Variants in TRIOBP observed in about 807,000 individuals in gnomAD.
TRIOBP encodes TRIO and F-actin-binding protein.
TRIOBP carries 169 observed loss-of-function variants against 238.8 expected under a neutral mutation model. The ratio of observed to expected loss-of-function variants is 0.71; its 90% CI spans 0.62 to 0.80. The LOEUF is 0.80. Ranked by LOEUF, TRIOBP falls within the 30% of genes least tolerant of loss-of-function variation. The probability of loss-of-function intolerance (pLI) is 0.00; values close to 1 mark genes in which losing one functional copy is unlikely to be tolerated. For missense variants in TRIOBP, 2,838 were observed against 3,122.6 expected, an observed-to-expected ratio of 0.91 and a Z score of 2.17; for synonymous variants, 1,150 against 1,274.4, an observed-to-expected ratio of 0.90 and a Z score of 2.08.
chr22:37,698,354 CTTTTTTTTTTTT>C (rs1175913171), intron 2 of TRIOBP, among the ~76,000 whole-genome samples: 1 of 57,936 alleles, frequency 1.7e-5, no homozygotes, highest in Admixed American at 2.7e-4. Context: ...CTGCAAGAGC[CTTTTTTTTTTTT>C]TTTTTTTTTT....
At chr22:37,735,972 C>T (rs983869377) in intron 9 of TRIOBP, among the ~76,000 whole-genome samples, 4 of 152,232 alleles carry the variant, frequency 2.6e-5, no homozygotes, top group Non-Finnish European at 4.4e-5. Context: ...TACCTGAGTC[C>T]AGGACAGCCT....
At chr22:37,738,762 G>A (rs757751577) in intron 10 of TRIOBP, 43 bp downstream of exon 10, 6 of 1,599,952 alleles carry the variant, frequency 3.8e-6, no homozygotes, top group Admixed American at 3.4e-5. Flanking sequence ...GGGGAAGGGA[G>A]GGGGAAGCAG....
At chr22:37,729,349 G>A (rs1924319762) in intron 7 of TRIOBP, among the ~76,000 whole-genome samples, 2 of 151,962 alleles carry the variant, frequency 1.3e-5, no homozygotes, top group African/African-American at 4.8e-5. Context: ...CTCAGTAGCT[G>A]GGACTACAGG....
chr22:37,701,458 G>A lies in TRIOBP; in HGVS notation c.93G>A (p.Glu31=), dbSNP rs981859593. 1.9e-6 allele frequency: 3 copies of A among 1,612,858 alleles called. No individual in the cohort carries two copies. The highest frequency in any genetic ancestry group is 2.5e-6 in the Non-Finnish European group (3 of 1,179,608). The change falls in exon 3 of 24, where the codon GAG becomes GAA. Residue 31 remains glutamate, a synonymous_variant. Transcript: ENST00000644935. The part of the protein sequence containing the change: ...NRCQNCFHPE[E]AHGARYQELR... ...GTCAAAACTGCTTCCACCCTGAGGA[G>A]GCCCATGGAGCAAGATACCAGGTGG...
Position 37,723,255 on chromosome 22 carries a change from G to A in TRIOBP, c.699G>A (p.Leu233=). Residue 233 remains leucine, a synonymous_variant, in exon 7 of 24, where the codon CTG becomes CTA. Coordinates refer to ENST00000644935, the MANE Select transcript of TRIOBP (RefSeq NM_001039141.3). The part of the protein sequence containing the change: ...ARLRGESGLS[L]ERHRSTLTQA... ...TCCGGGGAGAAAGCGGGTTGTCCCT[G>A]GAGCGGCACCGGTCAACACTGACCC... is the stretch of plus-strand genomic sequence containing the variant. The A allele has an allele frequency of 6.2e-7, 1 of 1,614,038 alleles. No individual in the cohort carries two copies.
chr22:37,759,802 C>G, intron 17 of TRIOBP: 6 of 1,334,768 alleles, frequency 4.5e-6, no homozygotes, highest in Non-Finnish European at 5.8e-6. Context: ...TTGGCTGTGT[C>G]TGGGAATACT....
At chr22:37,699,543 A>G (rs977305685) in intron 2 of TRIOBP, among the ~76,000 whole-genome samples, 6 of 151,624 alleles carry the variant, frequency 4.0e-5, no homozygotes, top group African/African-American at 1.5e-4. Flanking sequence ...CACCTGGGGA[A>G]TCACTTTTTT....
chr22:37,715,649 G>A, intron 5 of TRIOBP, 114 bp from the exon 6 acceptor site: 1 of 1,291,578 alleles, frequency 7.7e-7, no homozygotes. Context: ...GGCCAGGGAA[G>A]TGCTTTTTAA....
intron 17 of TRIOBP, among the ~76,000 whole-genome samples, chr22:37,763,624 GAA>G (rs1265496102): frequency 6.6e-6 from 1 of 152,074 alleles, no homozygotes; most frequent in African/African-American, 2.4e-5. Context: ...TTATATAAAA[GAA>G]ATGTTTACAT....
At chr22:37,732,749 A>G (rs1924488520) in intron 7 of TRIOBP, among the ~76,000 whole-genome samples, 1 of 152,228 alleles carries the variant, frequency 6.6e-6, no homozygotes. Context: ...AGAATGGAAC[A>G]CGGGGGCACA....
intron 18 of TRIOBP, 115 bp from the exon 19 acceptor site, chr22:37,767,959 A>G: frequency 2.5e-6 from 2 of 806,158 alleles, no homozygotes; most frequent in Non-Finnish European, 4.3e-6. Context: ...CTTGCATAGT[A>G]CTATGTGGAG....
chr22:37,734,375 C>T (rs1191367693), intron 8 of TRIOBP, 24 bp from the exon 9 acceptor site: 3 of 1,607,848 alleles, frequency 1.9e-6, no homozygotes, highest in Non-Finnish European at 2.6e-6. Context: ...GAGAGCCTCA[C>T]CTACCCCCTC....
At chr22:37,758,886 G>GTTTCCT (rs964367439) in intron 16 of TRIOBP, among the ~76,000 whole-genome samples, 1 of 152,150 alleles carries the variant, frequency 6.6e-6, no homozygotes, top group African/African-American at 2.4e-5. Flanking sequence ...TGTGACCACA[G>GTTTCCT]TTTCCTTTTC....
chr22:37,765,913 G>T, intron 18 of TRIOBP, 96 bp downstream of exon 18: 1 of 1,448,652 alleles, frequency 6.9e-7, no homozygotes. Context: ...CAAATAAGAT[G>T]TAGGGGTCTC....
chr22:37,718,507 C>T (rs1035796294), intron 6 of TRIOBP, among the ~76,000 whole-genome samples: 4 of 149,366 alleles, frequency 2.7e-5, no homozygotes, highest in Admixed American at 6.8e-5. Flanking sequence ...TCAGCATCCC[C>T]AGAGTGGGGC....
At chr22:37,761,261 G>C (rs1015905900) in intron 17 of TRIOBP, among the ~76,000 whole-genome samples, 3 of 151,884 alleles carry the variant, frequency 2.0e-5, no homozygotes, top group African/African-American at 7.3e-5. Flanking sequence ...AGTGTGGCCA[G>C]AGTGGTGAAA....
Position 37,735,002 on chromosome 22 carries a change from G to A in TRIOBP, c.4666G>A (p.Glu1556Lys), listed in dbSNP as rs376793698. ...PYPRGSERRPELDWRDLLGLL... is the reference protein window; with the variant it reads ...PYPRGSERRPKLDWRDLLGLL... ...CCCGCGTGGCTCTGAGAGGCGACCC[G>A]AGCTTGACTGGAGGGATCTGCTTGG... The change falls in exon 9 of 24, where the codon GAG becomes AAG. Residue 1556 changes from glutamate (E) to lysine (K), a missense_variant. Around this residue, in one of 5 missense-constraint regions of TRIOBP, gnomAD observed 2,096 missense variants for 2,137.4 expected, o/e 0.98. Transcript: ENST00000644935. 9.3e-5 allele frequency: 150 copies of A among 1,613,176 alleles called. No homozygotes were observed. In the African/African-American group the frequency reaches 9.9e-4, roughly 11 times the overall value.
rs374226257 is a variant in TRIOBP, at chr22:37,724,641, C to T, written c.2085C>T (p.Asn695=). The T allele has an allele frequency of 6.2e-7, 1 of 1,611,298 alleles. No homozygotes were observed. The highest frequency in any genetic ancestry group is 1.1e-5 in the South Asian group (1 of 90,950). Residue 695 remains asparagine (N), a synonymous_variant, in exon 7 of 24, where the codon AAC becomes AAT. Coordinates refer to ENST00000644935, the MANE Select transcript of TRIOBP (RefSeq NM_001039141.3). The stretch of plus-strand genomic sequence containing the variant: ...CCAGCAGAACCATCCAACAAGAGAA[C>T]CCCAGAACATCCTGTGCCCAACGGG... ...SSPSRTIQQE[N]PRTSCAQRDD...
Position 37,746,307 on chromosome 22 carries a change from G to A in TRIOBP, c.5322+5275G>A, listed in dbSNP as rs1925256539. 5 of 1,120,986 alleles carry A rather than the reference G, an allele frequency of 4.5e-6. 1 individual carries two copies. Among genetic ancestry groups the A allele is most frequent in the Admixed American group, 5.0e-5 (1 of 19,972 alleles). 69.4% of individuals were successfully genotyped at this position (1,120,986 alleles called of 1,614,324 possible). A position where few individuals can be genotyped will look rare whatever the true frequency, so the allele number is the denominator to read the frequency against. On this transcript the variant is annotated intron_variant, in intron 11 of 23. Transcript: ENST00000644935. Reference sequence around the variant, plus strand: ...GCCGGAGGCGCGGCGGCGGGCGGCCGAGAGGGGCGGCGGCGGCGGCGGCGG... The same window carrying A: ...GCCGGAGGCGCGGCGGCGGGCGGCCAAGAGGGGCGGCGGCGGCGGCGGCGG...
Sources: gnomAD v4.1 joint callset for allele counts (sites outside exome capture counted in the v4.1 genomes callset) on GRCh38, gnomAD v4.1.1 for gene constraint, gnomAD v4.1.1 regional missense constraint, MANE v1.5 for transcripts, NCBI Gene and HGNC (gene_info 2026-07-23, HGNC 2026-07-21) for gene names.